Variants in TUBGCP3 observed in about 807,000 individuals in gnomAD.
TUBGCP3 encodes the protein gamma-tubulin complex component 3.
A neutral mutation model predicts 123.1 loss-of-function variants in TUBGCP3; 50 were observed. The observed-to-expected ratio is 0.41, with a 90% CI of 0.32 to 0.51. The LOEUF is 0.51. Ranked by LOEUF, TUBGCP3 falls within the 20% of genes least tolerant of loss-of-function variation. TUBGCP3 has a pLI of 0.36. For synonymous variants in TUBGCP3, 405 were observed against 413.9 expected, an observed-to-expected ratio of 0.98 and a Z score of 0.26; for missense variants, 882 against 1,127.0, an observed-to-expected ratio of 0.78 and a Z score of 3.11.
chr13:112,580,923 C>G (rs1461080419), intron 1 of TUBGCP3, among the ~76,000 whole-genome samples: 1 of 152,222 alleles, frequency 6.6e-6, no homozygotes, highest in Non-Finnish European at 1.5e-5. Flanking sequence ...CAGGAAGTCT[C>G]CTGAGGAGCT....
chr13:112,595,183 A>G, the TUBGCP3 span, among the ~76,000 whole-genome samples: 1 of 150,550 alleles, frequency 6.6e-6, no homozygotes, highest in Non-Finnish European at 1.5e-5. Flanking sequence ...TTCTCTTTTG[A>G]GCTCTATCAA....
intron 11 of TUBGCP3, among the ~76,000 whole-genome samples, chr13:112,532,864 C>T (rs1877699363): frequency 1.3e-5 from 2 of 152,212 alleles, no homozygotes; most frequent in African/African-American, 4.8e-5. Flanking sequence ...CCATTCTTAG[C>T]ACTAGTGGGC....
At position 112,511,222 on chromosome 13, in the gene TUBGCP3, C is replaced by A. The variant is rs1319510242; in HGVS notation, c.2086+5218G>T. ...TCCTGTGCGGGAAACACCCTCTGAA[C>A]CCACCGCTCAGATGGGCCCCTCACA... On this transcript the variant is annotated intron_variant, in intron 17 of 21. Coordinates refer to ENST00000261965, the MANE Select transcript of TUBGCP3 (RefSeq NM_006322.6). This position sits in a 1 kb window ranked among gnomAD's most constrained non-coding sequence, Gnocchi z 4.1. 6.6e-6 allele frequency among the ~76,000 whole-genome samples: 1 copy of A among 152,204 alleles called. No individual in the cohort carries two copies.
rs1400999842 is a variant in TUBGCP3, at chr13:112,495,657, G to A, written c.2448+3388C>T. On this transcript the variant is annotated intron_variant, in intron 20 of 21. Transcript: ENST00000261965. ...GATCTATCAGTGTGATAATACTGTG[G>A]ATTTCCCAATCCACGTTTACAAGGG... Among the ~76,000 whole-genome samples the A allele has an allele frequency of 2.6e-5, 4 of 152,076 alleles. No individual in the cohort carries two copies. The East Asian group carries it at 5.8e-4, about 22-fold the overall frequency.
At chr13:112,581,197 C>T (rs78712927) in intron 1 of TUBGCP3, among the ~76,000 whole-genome samples, 1 of 152,152 alleles carries the variant, frequency 6.6e-6, no homozygotes, top group Non-Finnish European at 1.5e-5. Context: ...TCACACCCCC[C>T]CATCTTTCTG....
At chr13:112,489,090 C>G (rs1370080823) in intron 21 of TUBGCP3, among the ~76,000 whole-genome samples, 1 of 136,490 alleles carries the variant, frequency 7.3e-6, no homozygotes, top group Non-Finnish European at 1.6e-5. Flanking sequence ...ACACCCACCA[C>G]AGTGGAGCAC....
chr13:112,556,685 C>T (rs1033394357), intron 5 of TUBGCP3, among the ~76,000 whole-genome samples: 6 of 152,206 alleles, frequency 3.9e-5, no homozygotes, highest in Non-Finnish European at 7.3e-5. Context: ...CTGGCCTCAC[C>T]TGTCTTCAGC....
At position 112,587,528 on chromosome 13, in the gene TUBGCP3, G is replaced by C. The variant is rs368132584; in HGVS notation, c.76+377C>G. Among the ~76,000 whole-genome samples the C allele has an allele frequency of 5.0e-4, 76 of 152,372 alleles. 1 individual carries two copies. In the East Asian group the frequency reaches 0.012, roughly 23 times the overall value. On this transcript the variant is annotated intron_variant, in intron 1 of 21. Transcript: ENST00000261965. ...TCCCACGGCGCGTGACACCAGAGAA[G>C]GGGGATAAATTGGCGAGCTGGCATT...
At chr13:112,569,039 T>A (rs1375298363) in intron 2 of TUBGCP3, 113 bp downstream of exon 2, 9 of 878,984 alleles carry the variant, frequency 1.0e-5, no homozygotes, top group Non-Finnish European at 1.6e-5. Context: ...TTTGTACCAA[T>A]ATTAAAATGC....
chr13:112,534,374 A>T (rs1594158020), intron 11 of TUBGCP3, among the ~76,000 whole-genome samples: 1 of 152,114 alleles, frequency 6.6e-6, no homozygotes, highest in Non-Finnish European at 1.5e-5. Context: ...GTGAAACCCC[A>T]TCTCTACTAA....
chr13:112,600,156 G>C, the TUBGCP3 span, among the ~76,000 whole-genome samples: 5 of 152,224 alleles, frequency 3.3e-5, 1 homozygote, highest in South Asian at 2.1e-4. Context: ...TCCCAAAGAC[G>C]GCTGCAAATC....
chr13:112,490,759 T>C (rs905607629), intron 20 of TUBGCP3, among the ~76,000 whole-genome samples: 2 of 152,240 alleles, frequency 1.3e-5, no homozygotes, highest in African/African-American at 4.8e-5. Flanking sequence ...GTGATTCTTC[T>C]TACACAATTT....
chr13:112,583,837 T>C (rs1206618099), intron 1 of TUBGCP3, among the ~76,000 whole-genome samples: 1 of 152,182 alleles, frequency 6.6e-6, no homozygotes, highest in Non-Finnish European at 1.5e-5. Context: ...CAGTGCTTAG[T>C]AGAGGAACAG....
Position 112,588,004 on chromosome 13 carries a change from G to A in TUBGCP3, c.-24C>T. ...ATCCTCGCCCGGAGCCGTGCACGGT[G>A]GTCCGGGCAGAGCCGCCACTGCCGC... On this transcript the variant is annotated 5_prime_UTR_variant, in exon 1 of 22. Transcript: ENST00000261965. 3.4e-6 allele frequency: 5 copies of A among 1,477,328 alleles called. No homozygotes were observed. Among genetic ancestry groups the A allele is most frequent in the Non-Finnish European group, 4.5e-6 (5 of 1,111,006 alleles). 91.5% of individuals were successfully genotyped at this position (1,477,328 alleles called of 1,614,324 possible).
chr13:112,510,924 G>A (rs959681176), intron 17 of TUBGCP3, among the ~76,000 whole-genome samples: 1 of 152,062 alleles, frequency 6.6e-6, no homozygotes, highest in Non-Finnish European at 1.5e-5. Context: ...TGAAACATAT[G>A]AATGATGAGT....
intron 11 of TUBGCP3, among the ~76,000 whole-genome samples, chr13:112,542,659 T>C (rs764551064): frequency 4.6e-5 from 7 of 152,318 alleles, no homozygotes; most frequent in African/African-American, 7.2e-5. Context: ...ATATAAAATT[T>C]AAACTAAGAA....
At chr13:112,515,541 G>C (rs978721694) in intron 17 of TUBGCP3, among the ~76,000 whole-genome samples, 3 of 152,168 alleles carry the variant, frequency 2.0e-5, no homozygotes, top group Admixed American at 2.0e-4. Flanking sequence ...AGCCCTCTCA[G>C]CACGGCCCTC....
chr13:112,517,060 A>T (rs1244276146), intron 16 of TUBGCP3, among the ~76,000 whole-genome samples: 4 of 152,162 alleles, frequency 2.6e-5, no homozygotes, highest in African/African-American at 9.7e-5. Context: ...TCCGTCACCC[A>T]GGCTGGAGTG....
chr13:112,572,396 C>A (rs551431771), intron 1 of TUBGCP3, among the ~76,000 whole-genome samples: 2 of 152,216 alleles, frequency 1.3e-5, no homozygotes, highest in East Asian at 3.9e-4. Context: ...CCTAATGACC[C>A]GTCCTCTAAG....
Sources: allele counts gnomAD v4.1 joint callset (sites outside exome capture counted in the v4.1 genomes callset), GRCh38; gene constraint gnomAD v4.1.1; non-coding constraint Gnocchi (gnomAD v3.1); transcripts MANE v1.5; gene names NCBI Gene and HGNC (gene_info 2026-07-23, HGNC 2026-07-21).